Variants in ADAMTSL1 observed in about 807,000 individuals in gnomAD.
ADAMTSL1 encodes ADAMTS-like protein 1.
A neutral mutation model predicts 201.8 loss-of-function variants in ADAMTSL1; 126 were observed. That is an observed-to-expected ratio of 0.62 (90% confidence interval 0.54 to 0.72). ADAMTSL1 has a LOEUF of 0.72. Ranked by LOEUF, ADAMTSL1 falls within the 30% of genes least tolerant of loss-of-function variation. The probability of loss-of-function intolerance (pLI) is 0.00; values close to 1 mark genes in which losing one functional copy is unlikely to be tolerated. For missense variants in ADAMTSL1, 2,679 were observed against 2,277.8 expected (o/e 1.18, Z -3.59); for synonymous variants, 1,121 against 903.4 (o/e 1.24, Z -4.32).
chr9:18,636,042 T>TA (rs753841949), intron 6 of ADAMTSL1, 25 bp downstream of exon 6: 2 of 1,513,556 alleles, frequency 1.3e-6, no homozygotes, highest in Non-Finnish European at 1.8e-6. Context: ...TGTTTTCCTT[T>TA]GGGAATTGGG....
At chr9:17,973,185 A>G (rs1468024870) in intron 1 of ADAMTSL1, among the ~76,000 whole-genome samples, 6 of 151,304 alleles carry the variant, frequency 4.0e-5, no homozygotes, top group Admixed American at 4.0e-4. Context: ...CCCATTTGTC[A>G]ATTTTGGCTT....
At position 18,408,864 on chromosome 9, in the gene ADAMTSL1, T is replaced by G. The variant is rs1300101680; in HGVS notation, c.208-95965T>G. ...TGTTCTGCTGTGATAGAAATAATTG[T>G]GCTAACTGAACCTAAACCTTTTAAG... On this transcript the variant is annotated intron_variant, in intron 2 of 29. Coordinates refer to the ADAMTSL1 transcript ENST00000680146. Among the ~76,000 whole-genome samples the G allele has an allele frequency of 3.3e-5, 5 of 152,202 alleles. No homozygotes were observed. In the East Asian group the frequency reaches 9.6e-4, roughly 29 times the overall value.
chr9:18,201,060 A>G (rs775937332), intron 2 of ADAMTSL1, among the ~76,000 whole-genome samples: 3 of 152,048 alleles, frequency 2.0e-5, no homozygotes, highest in African/African-American at 7.2e-5. Context: ...AAAATTCCTG[A>G]TTGGGTCCCT....
chr9:18,381,494 G>T (rs1319189072), intron 2 of ADAMTSL1, among the ~76,000 whole-genome samples: 11 of 152,146 alleles, frequency 7.2e-5, no homozygotes, highest in African/African-American at 2.4e-4. Context: ...TTTTAGAATA[G>T]GGCCTCACCT....
At chr9:18,255,087 C>A (rs540075963) in intron 2 of ADAMTSL1, among the ~76,000 whole-genome samples, 1 of 152,274 alleles carries the variant, frequency 6.6e-6, no homozygotes, top group East Asian at 1.9e-4. Context: ...GACTTGTCTT[C>A]ATTTTTCCTC....
chr9:17,981,444 G>A (rs939775083), intron 1 of ADAMTSL1, among the ~76,000 whole-genome samples: 1 of 152,104 alleles, frequency 6.6e-6, no homozygotes, highest in Non-Finnish European at 1.5e-5. Context: ...GTCACTACAG[G>A]TCTCTTTCTG....
intron 13 of ADAMTSL1, among the ~76,000 whole-genome samples, chr9:18,689,993 C>CA (rs1308068033): frequency 1.3e-5 from 2 of 151,948 alleles, no homozygotes. Flanking sequence ...TGAGCCATTA[C>CA]AAAAAAGAAG....
chr9:18,515,560 C>T (rs999536480), intron 2 of ADAMTSL1, among the ~76,000 whole-genome samples: 2 of 152,172 alleles, frequency 1.3e-5, no homozygotes, highest in Non-Finnish European at 2.9e-5. Context: ...GTGTCTCCCT[C>T]GTGAGCTCAA....
chr9:18,891,307 C>T (rs1829254535), intron 25 of ADAMTSL1, among the ~76,000 whole-genome samples: 1 of 152,180 alleles, frequency 6.6e-6, no homozygotes, highest in Non-Finnish European at 1.5e-5. Flanking sequence ...TGGGTAACCC[C>T]GCTGTGACCC....
intron 2 of ADAMTSL1, among the ~76,000 whole-genome samples, chr9:18,431,672 T>C (rs1047898533): frequency 1.3e-5 from 2 of 152,094 alleles, no homozygotes; most frequent in African/African-American, 4.8e-5. Flanking sequence ...TTCTTCCACC[T>C]TGATAAAGAA....
At chr9:18,270,246 G>A (rs1182835045) in intron 2 of ADAMTSL1, among the ~76,000 whole-genome samples, 1 of 151,918 alleles carries the variant, frequency 6.6e-6, no homozygotes, top group Non-Finnish European at 1.5e-5. Flanking sequence ...TAGTACTCTG[G>A]GGTACCTTTT....
At chr9:17,974,300 C>A (rs967301834) in intron 1 of ADAMTSL1, among the ~76,000 whole-genome samples, 4 of 151,994 alleles carry the variant, frequency 2.6e-5, no homozygotes, top group African/African-American at 9.7e-5. Context: ...AAGAGGAAGT[C>A]AAATTGTCCC....
chr9:18,626,869 GTCTT>G lies in ADAMTSL1; in HGVS notation c.601+4505_601+4508del, dbSNP rs906544648. The stretch of plus-strand genomic sequence containing the variant: ...TTTCTTTCTTTCTTTCTTTCTTTCT[GTCTT>G]TCTTCCTTCCTTCCTTCCTTCCTTC... On this transcript the variant is annotated intron_variant, in intron 5 of 28. Transcript: ENST00000380548. Among the ~76,000 whole-genome samples, 7 of 106,718 alleles carry G rather than the reference GTCTT, an allele frequency of 6.6e-5. No individual in the cohort carries two copies. In the East Asian group the frequency reaches 7.5e-4, roughly 11 times the overall value. The allele number at this position is 106,718 out of a possible 152,430, so 70.0% of individuals were successfully genotyped here.
Position 18,346,481 on chromosome 9 carries a change from T to C in ADAMTSL1, c.208-158348T>C, listed in dbSNP as rs77067417. Among the ~76,000 whole-genome samples, 963 of 152,194 alleles carry C rather than the reference T, an allele frequency of 6.3e-3. 9 individuals are homozygous for C. The highest frequency in any genetic ancestry group is 0.022 in the African/African-American group (918 of 41,538). ...AGTAAGGGTTTTCTCATCTGTAAAGTAGGAATCAAATCTACCTTGGAGAGT... is the reference window on the plus strand; with the variant it reads ...AGTAAGGGTTTTCTCATCTGTAAAGCAGGAATCAAATCTACCTTGGAGAGT... On this transcript the variant is annotated intron_variant, in intron 2 of 29. Transcript: ENST00000680146.
At chr9:18,032,900 C>T (rs1186567356) in intron 1 of ADAMTSL1, among the ~76,000 whole-genome samples, 2 of 152,162 alleles carry the variant, frequency 1.3e-5, no homozygotes, top group Non-Finnish European at 2.9e-5. Context: ...TGTGGGGCTT[C>T]CCACTTCCTC....
At chr9:18,018,143 T>C (rs1170694299) in intron 1 of ADAMTSL1, among the ~76,000 whole-genome samples, 1 of 152,124 alleles carries the variant, frequency 6.6e-6, no homozygotes, top group Non-Finnish European at 1.5e-5. Flanking sequence ...CTCAAAAGCC[T>C]AAAGTATTTA....
intron 4 of ADAMTSL1, among the ~76,000 whole-genome samples, chr9:18,576,335 T>C (rs188349978): frequency 4.6e-5 from 7 of 152,230 alleles, no homozygotes; most frequent in African/African-American, 1.7e-4. Context: ...GCAGTAAGAA[T>C]AGGGAGGTAG....
At chr9:18,231,610 A>G (rs746060135) in intron 2 of ADAMTSL1, among the ~76,000 whole-genome samples, 21 of 152,130 alleles carry the variant, frequency 1.4e-4, no homozygotes, top group Admixed American at 3.9e-4. Flanking sequence ...GCTATATGTG[A>G]TCAGCACACT....
chr9:18,834,809 G>A (rs1409760536), intron 23 of ADAMTSL1, among the ~76,000 whole-genome samples: 1 of 152,096 alleles, frequency 6.6e-6, no homozygotes, highest in Non-Finnish European at 1.5e-5. Context: ...GATCAACAGG[G>A]CATTTCTATT....
Sources: allele counts gnomAD v4.1 joint callset (sites outside exome capture counted in the v4.1 genomes callset), GRCh38; gene constraint gnomAD v4.1.1; transcripts MANE v1.5; gene names NCBI Gene and HGNC (gene_info 2026-07-23, HGNC 2026-07-21).